ZCWPW1: variants seen among roughly 807,000 people sequenced by gnomAD.
ZCWPW1 encodes zinc finger CW-type and PWWP domain containing 1, also known as zinc finger CW-type PWWP domain protein 1.
ZCWPW1 carries 56 observed loss-of-function variants against 81.3 expected under a neutral mutation model. That is an observed-to-expected ratio of 0.69 (90% CI 0.56 to 0.86). ZCWPW1 has a LOEUF of 0.86. Among genes scored for constraint, ZCWPW1 ranks in the 40% least tolerant of loss-of-function variants. The probability of loss-of-function intolerance (pLI) is 0.00; values close to 1 mark genes in which losing one functional copy is unlikely to be tolerated. For synonymous variants in ZCWPW1, 250 were observed against 273.7 expected, an observed-to-expected ratio of 0.91 and a Z score of 0.86; for missense variants, 650 against 769.8, an observed-to-expected ratio of 0.84 and a Z score of 1.84.
At chr7:100,409,291 T>A in intron 9 of ZCWPW1, 137 bp downstream of exon 9, 1 of 670,122 alleles carries the variant, frequency 1.5e-6, no homozygotes, top group Non-Finnish European at 2.5e-6. Flanking sequence ...GAGAGGCAGA[T>A]CCTTCCTCTC....
chr7:100,421,023 G>A (rs573816978), intron 2 of ZCWPW1, among the ~76,000 whole-genome samples: 4 of 152,138 alleles, frequency 2.6e-5, no homozygotes, highest in African/African-American at 7.2e-5. Context: ...GGTGGCATGC[G>A]CCTGTAGTCC....
At chr7:100,412,782 C>T (rs1252438638) in intron 8 of ZCWPW1, among the ~76,000 whole-genome samples, 3 of 152,122 alleles carry the variant, frequency 2.0e-5, no homozygotes, top group Non-Finnish European at 2.9e-5. Context: ...GGGGTTTCAC[C>T]ATGTTAGCCA....
chr7:100,428,452 G>C (rs1220692828), intron 1 of ZCWPW1, 116 bp downstream of exon 1: 1 of 152,266 alleles, frequency 6.6e-6, no homozygotes, highest in African/African-American at 2.4e-5. Context: ...CGGCGGCCGC[G>C]GCGCCTGATT....
intron 1 of ZCWPW1, among the ~76,000 whole-genome samples, chr7:100,427,885 C>T (rs557246202): frequency 6.6e-6 from 1 of 151,802 alleles, no homozygotes; most frequent in Admixed American, 6.6e-5. Context: ...CTCTCTTCCC[C>T]GTCCCCTCCC....
intron 2 of ZCWPW1, among the ~76,000 whole-genome samples, chr7:100,424,415 T>C (rs1287685800): frequency 6.6e-6 from 1 of 152,172 alleles, no homozygotes; most frequent in Non-Finnish European, 1.5e-5. Context: ...TCGTTTATCT[T>C]TGGCATTTTA....
intron 2 of ZCWPW1, among the ~76,000 whole-genome samples, chr7:100,421,370 A>G (rs972276165): frequency 6.6e-6 from 1 of 152,196 alleles, no homozygotes; most frequent in Non-Finnish European, 1.5e-5. Context: ...AGCCTCTCCT[A>G]AACACTTAGA....
intron 12 of ZCWPW1, among the ~76,000 whole-genome samples, chr7:100,405,909 G>A (rs1328527031): frequency 6.6e-6 from 1 of 152,274 alleles, no homozygotes; most frequent in East Asian, 1.9e-4. Flanking sequence ...ACAGGTGTGA[G>A]CCAGCACACC....
At position 100,417,118 on chromosome 7, in the gene ZCWPW1, C is replaced by T. The variant is rs1280600928; in HGVS notation, c.427G>A (p.Asp143Asn). The T allele has an allele frequency of 1.6e-5, 26 of 1,614,002 alleles. No homozygotes were observed. The highest frequency in any genetic ancestry group is 4.4e-5 in the South Asian group (4 of 91,080). Residue 143 changes from aspartate (D) to asparagine (N), a missense_variant, in exon 6 of 18, where the codon GAC becomes AAC. Physicochemically the swap from Asp to Asn is conservative, Grantham distance 23. Coordinates refer to ENST00000684423, the MANE Select transcript of ZCWPW1 (RefSeq NM_001386010.1). ...CAQPVVSTQSDKEPGITASAT... is the reference protein window; with the variant it reads ...CAQPVVSTQSNKEPGITASAT... Reference sequence around the variant, plus strand: ...GAAGCAGTAATTCCTGGCTCCTTGTCTGATTGGGTAGATACTACGGGCTGG... The same window carrying T: ...GAAGCAGTAATTCCTGGCTCCTTGTTTGATTGGGTAGATACTACGGGCTGG...
At chr7:100,406,659 C>T (rs1248007397) in intron 12 of ZCWPW1, 35 bp downstream of exon 12, 1 of 1,574,288 alleles carries the variant, frequency 6.4e-7, no homozygotes, top group Non-Finnish European at 8.7e-7. Flanking sequence ...ATTTTGTTTT[C>T]TCTGTATCAC....
intron 1 of ZCWPW1, among the ~76,000 whole-genome samples, chr7:100,428,181 G>T (rs948729291): frequency 6.6e-6 from 1 of 152,110 alleles, no homozygotes; most frequent in African/African-American, 2.4e-5. Flanking sequence ...GGACCTAAAG[G>T]CGATGGGCGG....
intron 15 of ZCWPW1, among the ~76,000 whole-genome samples, chr7:100,403,183 C>G (rs1792276903): frequency 6.6e-6 from 1 of 151,940 alleles, no homozygotes; most frequent in South Asian, 2.1e-4. Flanking sequence ...CAGAAAGCTC[C>G]TGAAAGGAAA....
intron 5 of ZCWPW1, chr7:100,417,440 A>G: frequency 5.1e-6 from 2 of 392,512 alleles, no homozygotes; most frequent in Non-Finnish European, 4.6e-6. Context: ...ATTATAGGCC[A>G]GGCATGGTGG....
Position 100,403,740 on chromosome 7 carries a change from T to A in ZCWPW1, c.1367A>T (p.Lys456Ile). Residue 456 changes from lysine (K) to isoleucine (I), a missense_variant, in exon 15 of 18, where the codon AAA becomes ATA. Lys to Ile is a moderately radical substitution (Grantham distance 102, BLOSUM62 -3). Coordinates refer to ENST00000684423, the MANE Select transcript of ZCWPW1 (RefSeq NM_001386010.1). Reference protein sequence around the residue: ...GLNSPGSCLEKKEKEEELEKE... With the variant: ...GLNSPGSCLEIKEKEEELEKE... The stretch of plus-strand genomic sequence containing the variant: ...TTCCAACTCTTCCTCTTTCTCCTTT[T>A]TCTCTAAGCAGGATCCTGGGCTGTT... The A allele has an allele frequency of 6.2e-7, 1 of 1,614,138 alleles. No individual in the cohort carries two copies. Among genetic ancestry groups the A allele is most frequent in the Non-Finnish European group, 8.5e-7 (1 of 1,180,000 alleles).
At chr7:100,404,145 C>T in intron 14 of ZCWPW1, 33 bp downstream of exon 14, 1 of 1,610,006 alleles carries the variant, frequency 6.2e-7, no homozygotes, top group South Asian at 1.1e-5. Flanking sequence ...TCCCTCCCAT[C>T]CTTCTCCAGT....
At chr7:100,417,658 C>T (rs1469840773) in intron 5 of ZCWPW1, among the ~76,000 whole-genome samples, 1 of 150,754 alleles carries the variant, frequency 6.6e-6, no homozygotes, top group Non-Finnish European at 1.5e-5. Context: ...GCGGAAGTTG[C>T]AGTGAGCCAA....
chr7:100,411,521 A>T (rs1794160316), intron 8 of ZCWPW1, among the ~76,000 whole-genome samples: 1 of 152,164 alleles, frequency 6.6e-6, no homozygotes, highest in African/African-American at 2.4e-5. Context: ...CACCCTCCTC[A>T]GCCTGCCAAA....
chr7:100,407,558 GT>G (rs775415992), intron 10 of ZCWPW1, among the ~76,000 whole-genome samples: 31 of 151,880 alleles, frequency 2.0e-4, no homozygotes, highest in Admixed American at 9.2e-4. Flanking sequence ...ACACCCAGCT[GT>G]TTATTTTATT....
At chr7:100,420,542 C>T in intron 3 of ZCWPW1, 80 bp downstream of exon 3, 1 of 1,567,874 alleles carries the variant, frequency 6.4e-7, no homozygotes, top group Non-Finnish European at 8.8e-7. Flanking sequence ...GGACCCGTAC[C>T]ATCCTTTGGT....
intron 5 of ZCWPW1, 179 bp downstream of exon 5, chr7:100,418,932 G>T (rs905401712): frequency 4.5e-6 from 2 of 448,232 alleles, no homozygotes; most frequent in African/African-American, 4.0e-5. Context: ...ATCTAAGGTG[G>T]TTTAGCTATA....
Sources: gnomAD v4.1 joint callset for allele counts (sites outside exome capture counted in the v4.1 genomes callset) on GRCh38, gnomAD v4.1.1 for gene constraint, MANE v1.5 for transcripts, NCBI Gene and HGNC (gene_info 2026-07-23, HGNC 2026-07-21) for gene names.